Variants in AUTS2 observed in about 807,000 individuals in gnomAD.
The protein encoded by AUTS2 is autism susceptibility gene 2 protein.
A neutral mutation model predicts 112.4 loss-of-function variants in AUTS2; 17 were observed. The ratio of observed to expected loss-of-function variants is 0.15; its 90% CI spans 0.10 to 0.23. The LOEUF (loss-of-function observed/expected upper bound fraction) is 0.23, where lower values mean the gene tolerates loss of function less well. Ranked by LOEUF, AUTS2 falls within the 10% of genes least tolerant of loss-of-function variation. AUTS2 has a pLI of 1.00. For missense variants in AUTS2, 1,510 were observed against 1,701.6 expected, an observed-to-expected ratio of 0.89 and a Z score of 1.98; for synonymous variants, 751 against 702.7, an observed-to-expected ratio of 1.07 and a Z score of -1.09.
At chr7:70,326,205 C>T (rs1790477734) in intron 4 of AUTS2, among the ~76,000 whole-genome samples, 2 of 152,212 alleles carry the variant, frequency 1.3e-5, no homozygotes, top group South Asian at 2.1e-4. Flanking sequence ...TCCACCCATA[C>T]CCAAGGGGAA....
At chr7:70,562,321 C>T (rs1189731906) in intron 5 of AUTS2, among the ~76,000 whole-genome samples, 1 of 152,204 alleles carries the variant, frequency 6.6e-6, no homozygotes, top group Non-Finnish European at 1.5e-5. Context: ...CACTTTCCTA[C>T]CTGAACAAAG....
intron 1 of AUTS2, among the ~76,000 whole-genome samples, chr7:69,669,368 A>G (rs1400329172): frequency 6.6e-6 from 1 of 152,066 alleles, no homozygotes; most frequent in African/African-American, 2.4e-5. Flanking sequence ...GTGTGTGTAT[A>G]TATATATAAG....
chr7:70,627,878 G>A (rs965398060), intron 5 of AUTS2, among the ~76,000 whole-genome samples: 1 of 152,222 alleles, frequency 6.6e-6, no homozygotes, highest in South Asian at 2.1e-4. Context: ...TGTCATGGGA[G>A]CTTCAAAGAA....
intron 1 of AUTS2, among the ~76,000 whole-genome samples, chr7:69,628,697 C>T (rs188805893): frequency 6.6e-6 from 1 of 152,086 alleles, no homozygotes; most frequent in Non-Finnish European, 1.5e-5. Flanking sequence ...AGATGCCACA[C>T]TTTTAAACAA....
intron 5 of AUTS2, among the ~76,000 whole-genome samples, chr7:70,544,267 C>A (rs1307753693): frequency 6.6e-6 from 1 of 152,100 alleles, no homozygotes; most frequent in Non-Finnish European, 1.5e-5. Flanking sequence ...TTTAAGTAAC[C>A]CAAATTATGT....
At chr7:70,735,309 G>T (rs1787714290) in intron 6 of AUTS2, among the ~76,000 whole-genome samples, 1 of 152,192 alleles carries the variant, frequency 6.6e-6, no homozygotes. Flanking sequence ...GTGAAAGGAT[G>T]TCAAAACGAC....
chr7:70,242,474 T>G (rs962973334), intron 4 of AUTS2, among the ~76,000 whole-genome samples: 3 of 152,234 alleles, frequency 2.0e-5, no homozygotes, highest in Non-Finnish European at 2.9e-5. Context: ...TTGGGTGTTA[T>G]ACAAATCAGA....
intron 5 of AUTS2, among the ~76,000 whole-genome samples, chr7:70,597,330 G>T (rs20325): frequency 0.23 from 34,344 of 152,138 alleles, 4,196 homozygotes; most frequent in Middle Eastern, 0.31. Flanking sequence ...CTCCTGCCGG[G>T]GTATTAACCC....
At chr7:70,737,003 A>T (rs111963966) in intron 6 of AUTS2, among the ~76,000 whole-genome samples, 1,741 of 152,300 alleles carry the variant, frequency 0.011, 25 homozygotes, top group African/African-American at 0.039. Context: ...CCCTCATAAC[A>T]GTCTCCCCAT....
chr7:70,496,627 G>C (rs62648710), intron 5 of AUTS2, among the ~76,000 whole-genome samples: 1 of 16,256 alleles, frequency 6.2e-5, no homozygotes. Flanking sequence ...ACGTACACAG[G>C]CACACACACA....
chr7:70,438,727 C>T (rs1361917408), intron 5 of AUTS2, among the ~76,000 whole-genome samples: 2 of 152,180 alleles, frequency 1.3e-5, no homozygotes, highest in Admixed American at 6.5e-5. Flanking sequence ...GCCTGTGCCC[C>T]CCTCGAAGCC....
chr7:70,354,121 G>T (rs1791885112), intron 4 of AUTS2, among the ~76,000 whole-genome samples: 1 of 152,202 alleles, frequency 6.6e-6, no homozygotes, highest in East Asian at 1.9e-4. Context: ...GCAGATTTAA[G>T]TTTCTCACTC....
At chr7:70,149,858 A>G (rs989738888) in intron 4 of AUTS2, among the ~76,000 whole-genome samples, 1 of 152,046 alleles carries the variant, frequency 6.6e-6, no homozygotes, top group African/African-American at 2.4e-5. Flanking sequence ...TATTGAAGAA[A>G]AGTTTTTGAG....
chr7:69,599,706 C>T lies in AUTS2; in HGVS notation c.53C>T (p.Ser18Leu). 7.5e-7 allele frequency: 1 copy of T among 1,325,002 alleles called. No homozygotes were observed. The allele number at this position is 1,325,002 out of a possible 1,614,324, so 82.1% of individuals were successfully genotyped here. ...HGLRKKRRSR[S>L]QRDRERRSRG... ...CTCCGCAAAAAGCGGCGGTCGCGGT[C>T]GCAGCGAGACCGGGAGAGGCGCTCC... is the stretch of plus-strand genomic sequence containing the variant. Residue 18 changes from serine (S) to leucine (L), a missense_variant, in exon 1 of 19, where the codon TCG becomes TTG. Transcript: ENST00000342771. This position sits in a 1 kb window ranked among gnomAD's most constrained non-coding sequence, Gnocchi z 7.0.
At chr7:69,989,077 C>T (rs1234900139) in intron 2 of AUTS2, among the ~76,000 whole-genome samples, 1 of 152,186 alleles carries the variant, frequency 6.6e-6, no homozygotes, top group Non-Finnish European at 1.5e-5. Context: ...GAATAAATGG[C>T]ATGGTCTGAT....
At chr7:70,407,338 T>C (rs1794579791) in intron 4 of AUTS2, among the ~76,000 whole-genome samples, 1 of 152,192 alleles carries the variant, frequency 6.6e-6, no homozygotes, top group Non-Finnish European at 1.5e-5. Flanking sequence ...TTTTCCAGGC[T>C]CTTTTTTGCA....
rs552893729 is a variant in AUTS2 at position 70,326,917 on chromosome 7, C to CTTTTTT, written c.661-108822_661-108817dup. ...CTTGGCATGAAAGGTATGCTTGGTTCTTTTTTTTTTTTTTTTTTGTGACGG... is the reference window on the plus strand; with the variant it reads ...CTTGGCATGAAAGGTATGCTTGGTTCTTTTTTTTTTTTTTTTTTTTTTTTGTGACGG... On this transcript the variant is annotated intron_variant, in intron 4 of 18. Transcript: ENST00000342771. Among the ~76,000 whole-genome samples the CTTTTTT allele has an allele frequency of 1.8e-4, 22 of 120,644 alleles. 1 individual carries two copies. Among genetic ancestry groups the CTTTTTT allele is most frequent in the Non-Finnish European group, 2.6e-4 (16 of 61,836 alleles). 79.1% of individuals were successfully genotyped at this position (120,644 alleles called of 152,430 possible).
At chr7:69,780,911 A>G (rs559693508) in intron 1 of AUTS2, among the ~76,000 whole-genome samples, 4 of 152,360 alleles carry the variant, frequency 2.6e-5, no homozygotes, top group South Asian at 2.1e-4. Flanking sequence ...AATCAGGTCA[A>G]CTTGCATACT....
intron 1 of AUTS2, among the ~76,000 whole-genome samples, chr7:69,713,883 G>A (rs563314485): frequency 8.7e-4 from 133 of 152,204 alleles, no homozygotes; most frequent in Non-Finnish European, 1.6e-3. Context: ...AATAATAGAG[G>A]TTTTAAATTT....
Sources: allele counts gnomAD v4.1 joint callset (sites outside exome capture counted in the v4.1 genomes callset), GRCh38; gene constraint gnomAD v4.1.1; non-coding constraint Gnocchi (gnomAD v3.1); transcripts MANE v1.5; gene names NCBI Gene and HGNC (gene_info 2026-07-23, HGNC 2026-07-21).